Variants in CYP19A1 observed in about 807,000 individuals in gnomAD.
The protein encoded by CYP19A1 is cytochrome P450 family 19 subfamily A member 1, also known as aromatase.
In CYP19A1, 32 loss-of-function variants were observed where a neutral mutation model predicts 44.4. The observed-to-expected ratio is 0.72, with a 90% CI of 0.54 to 0.97. CYP19A1 has a LOEUF of 0.97. CYP19A1 is among the 50% of genes least tolerant of loss of function. The pLI is 0.00. For synonymous variants in CYP19A1, 212 were observed against 215.6 expected (o/e 0.98, Z 0.14); for missense variants, 598 against 637.8 (o/e 0.94, Z 0.67).
intron 1 of CYP19A1, among the ~76,000 whole-genome samples, chr15:51,336,638 C>T (rs2036779934): frequency 6.6e-6 from 1 of 152,178 alleles, no homozygotes; most frequent in Admixed American, 6.5e-5. Flanking sequence ...GGAAGAAATG[C>T]TGTGGAACTA....
At chr15:51,337,059 C>T (rs754697621) in intron 1 of CYP19A1, among the ~76,000 whole-genome samples, 7 of 152,160 alleles carry the variant, frequency 4.6e-5, no homozygotes, top group Non-Finnish European at 7.4e-5. Flanking sequence ...AACCTCAAAG[C>T]CATGGTATTC....
intron 5 of CYP19A1, among the ~76,000 whole-genome samples, chr15:51,220,384 G>C (rs1235636327): frequency 6.6e-6 from 1 of 152,198 alleles, no homozygotes; most frequent in African/African-American, 2.4e-5. Flanking sequence ...TCACTGGAAT[G>C]TAAGCCCCTT....
At chr15:51,233,542 T>A (rs1452603340) in intron 3 of CYP19A1, among the ~76,000 whole-genome samples, 2 of 152,220 alleles carry the variant, frequency 1.3e-5, no homozygotes, top group Non-Finnish European at 2.9e-5. Context: ...CAACTTAGAA[T>A]CATTCAGTGC....
chr15:51,234,462 T>G (rs1472912406), intron 3 of CYP19A1, among the ~76,000 whole-genome samples: 2 of 152,134 alleles, frequency 1.3e-5, no homozygotes, highest in African/African-American at 4.8e-5. Flanking sequence ...CCACCCCCAC[T>G]GTAACGAGCA....
intron 5 of CYP19A1, among the ~76,000 whole-genome samples, chr15:51,219,292 G>A (rs775683280): frequency 5.3e-5 from 8 of 152,026 alleles, no homozygotes; most frequent in Non-Finnish European, 8.8e-5. Context: ...CATACAATCA[G>A]CTCTTAATAA....
At chr15:51,274,193 A>C (rs1044391960) in intron 1 of CYP19A1, among the ~76,000 whole-genome samples, 1 of 152,230 alleles carries the variant, frequency 6.6e-6, no homozygotes, top group African/African-American at 2.4e-5. Context: ...GCAAGAACTC[A>C]AGCAGGGTGA....
chr15:51,276,280 G>T (rs1205518279), intron 1 of CYP19A1, among the ~76,000 whole-genome samples: 1 of 152,070 alleles, frequency 6.6e-6, no homozygotes, highest in African/African-American at 2.4e-5. Flanking sequence ...GGCTCATTAT[G>T]CCAGCCAAAA....
chr15:51,279,140 A>C (rs951365979), intron 1 of CYP19A1: 3 of 152,276 alleles, frequency 2.0e-5, no homozygotes, highest in Non-Finnish European at 2.9e-5. Context: ...GGGTGAGAAG[A>C]AAGCAAGCAA....
chr15:51,242,368 G>C (rs1166374865), intron 2 of CYP19A1: 2 of 281,820 alleles, frequency 7.1e-6, no homozygotes, highest in Admixed American at 5.0e-5. Flanking sequence ...AAGTGAAAGG[G>C]AGAAGAAAAG....
chr15:51,285,655 G>C (rs1339521549), intron 1 of CYP19A1, among the ~76,000 whole-genome samples: 1 of 152,166 alleles, frequency 6.6e-6, no homozygotes, highest in Non-Finnish European at 1.5e-5. Flanking sequence ...ATTATCTCAA[G>C]TAGGAGAATA....
chr15:51,318,624 T>G (rs1253685260), intron 1 of CYP19A1: 1 of 152,226 alleles, frequency 6.6e-6, no homozygotes, highest in Non-Finnish European at 1.5e-5. Flanking sequence ...GGACTCTTAG[T>G]CTTGGTTGGT....
At chr15:51,233,515 G>A (rs1426001632) in intron 3 of CYP19A1, among the ~76,000 whole-genome samples, 1 of 152,194 alleles carries the variant, frequency 6.6e-6, no homozygotes, top group Non-Finnish European at 1.5e-5. Flanking sequence ...TGGATGAAGA[G>A]CCAATAATGA....
At chr15:51,282,800 G>T (rs1017689476) in intron 1 of CYP19A1, among the ~76,000 whole-genome samples, 2 of 152,208 alleles carry the variant, frequency 1.3e-5, no homozygotes. Context: ...AAGGAAGCTT[G>T]GTGGGAAAGC....
intron 1 of CYP19A1, among the ~76,000 whole-genome samples, chr15:51,273,645 C>A (rs951595650): frequency 2.6e-5 from 4 of 152,088 alleles, no homozygotes; most frequent in Admixed American, 1.3e-4. Flanking sequence ...ACTCAGGCCC[C>A]TCACCTCCGA....
rs1555400667 is a variant in CYP19A1 at position 51,336,907 on chromosome 15, A to AGCTG, written c.-39+1587_-39+1588insCAGC. ...TGTCAACAAAACAGGCCAGATTGAT[A>AGCTG]GCTTTTTTTTTTTTTTAATAATAAG... On this transcript the variant is annotated intron_variant, in intron 1 of 9. Coordinates refer to ENST00000396402, the MANE Select transcript of CYP19A1 (RefSeq NM_000103.4). Among the ~76,000 whole-genome samples the AGCTG allele has an allele frequency of 2.7e-4, 24 of 88,804 alleles. 1 individual carries two copies. The highest frequency in any genetic ancestry group is 2.7e-3 in the Admixed American group (23 of 8,656). The allele number at this position is 88,804 out of a possible 152,430, so 58.3% of individuals were successfully genotyped here.
rs536338071 is a variant in CYP19A1, at chr15:51,327,344, G to T, written c.-39+11151C>A. On this transcript the variant is annotated intron_variant, in intron 1 of 9. Transcript: ENST00000396402. ...CATTAGGGGCTCAGTTGGTGAGCTG[G>T]CTGGTAGAAAACACAAAGCAGTCTC... Among the ~76,000 whole-genome samples the T allele has an allele frequency of 3.9e-5, 6 of 152,272 alleles. No homozygotes were observed. The South Asian group carries it at 1.2e-3, about 32-fold the overall frequency.
chr15:51,300,440 T>C (rs1337449475), intron 1 of CYP19A1, among the ~76,000 whole-genome samples: 1 of 152,188 alleles, frequency 6.6e-6, no homozygotes, highest in Non-Finnish European at 1.5e-5. Flanking sequence ...ATAGGAGAGA[T>C]CATCTCTGGG....
intron 4 of CYP19A1, among the ~76,000 whole-genome samples, chr15:51,226,800 A>G (rs2032621374): frequency 6.6e-6 from 1 of 152,148 alleles, no homozygotes. Context: ...GGGGAAAACC[A>G]CTGGATAAGG....
chr15:51,254,555 G>A (rs1698642912), intron 1 of CYP19A1, among the ~76,000 whole-genome samples: 2 of 151,678 alleles, frequency 1.3e-5, no homozygotes, highest in Admixed American at 1.3e-4. Context: ...TCAGTCTCAT[G>A]GATCCATCCT....
Sources: gnomAD v4.1 joint callset for allele counts (sites outside exome capture counted in the v4.1 genomes callset) on GRCh38, gnomAD v4.1.1 for gene constraint, MANE v1.5 for transcripts, NCBI Gene and HGNC (gene_info 2026-07-23, HGNC 2026-07-21) for gene names.